The following PSMD14 variants were observed in gnomAD, a reference collection of about 807,000 sequenced individuals.
The protein encoded by PSMD14 is proteasome 26S subunit, non-ATPase 14, also known as ubiquitin C-terminal hydrolase PSMD14.
Under a neutral mutation model 41.2 loss-of-function variants are expected in PSMD14, and 7 were observed. That is an observed-to-expected ratio of 0.17 (90% CI 0.10 to 0.32). The LOEUF is 0.32. Among genes scored for constraint, PSMD14 ranks in the 10% least tolerant of loss-of-function variants. PSMD14 has a pLI of 1.00. For synonymous variants in PSMD14, 114 were observed against 122.3 expected (o/e 0.93, Z 0.45); for missense variants, 139 against 375.6 (o/e 0.37, Z 5.21).
At chr2:161,404,693 T>C (rs995025915) in intron 10 of PSMD14, among the ~76,000 whole-genome samples, 5 of 152,202 alleles carry the variant, frequency 3.3e-5, no homozygotes, top group Non-Finnish European at 7.3e-5. Context: ...ATTTATTTTC[T>C]TAGTGCACTG....
At chr2:161,381,605 G>C (rs1015240782) in intron 7 of PSMD14, 5 of 151,834 alleles carry the variant, frequency 3.3e-5, no homozygotes, top group African/African-American at 1.2e-4. Context: ...TAGTCTTTCA[G>C]TGACCTAGCA....
At chr2:161,334,057 G>T (rs139064774) in intron 3 of PSMD14, among the ~76,000 whole-genome samples, 3,411 of 151,854 alleles carry the variant, frequency 0.022, 329 homozygotes, top group Admixed American at 0.18. Flanking sequence ...AAAAGGCCAG[G>T]CCTGGTGGCT....
At chr2:161,360,693 C>A (rs1270428173) in intron 3 of PSMD14, among the ~76,000 whole-genome samples, 1 of 152,084 alleles carries the variant, frequency 6.6e-6, no homozygotes, top group Non-Finnish European at 1.5e-5. Context: ...CATGCCACCA[C>A]ACCTAGCTAA....
At chr2:161,387,757 G>A (rs1459472811) in intron 8 of PSMD14, among the ~76,000 whole-genome samples, 2 of 151,788 alleles carry the variant, frequency 1.3e-5, no homozygotes, top group African/African-American at 2.4e-5. Context: ...GTCTTTCCTT[G>A]TCCATATTTC....
intron 8 of PSMD14, among the ~76,000 whole-genome samples, chr2:161,389,002 G>T (rs1218355964): frequency 2.0e-5 from 3 of 152,098 alleles, no homozygotes; most frequent in African/African-American, 7.2e-5. Context: ...GATATCATTT[G>T]ATTTAAACTT....
chr2:161,309,603 G>A (rs955005971), intron 1 of PSMD14, among the ~76,000 whole-genome samples: 1 of 152,170 alleles, frequency 6.6e-6, no homozygotes, highest in Non-Finnish European at 1.5e-5. Context: ...GTCACGTAAG[G>A]CTACCTACCA....
chr2:161,331,517 CA>C lies in PSMD14; in HGVS notation c.48+12647del, dbSNP rs111944314. ...TGGTGATCTGCCTGCCTCGGCCTACCAAAGTGCTGGGATTACAGGCGTGAGC... is the reference window on the plus strand; with the variant it reads ...TGGTGATCTGCCTGCCTCGGCCTACCAAGTGCTGGGATTACAGGCGTGAGC... On this transcript the variant is annotated intron_variant, in intron 3 of 11. Transcript: ENST00000409682. 1.5e-3 allele frequency among the ~76,000 whole-genome samples: 234 copies of C among 152,262 alleles called. 3 individuals carry two copies. Among genetic ancestry groups the C allele is most frequent in the African/African-American group, 5.4e-3 (224 of 41,540 alleles).
At chr2:161,362,141 C>G (rs1683297777) in intron 3 of PSMD14, among the ~76,000 whole-genome samples, 2 of 152,132 alleles carry the variant, frequency 1.3e-5, no homozygotes, top group Non-Finnish European at 1.5e-5. Flanking sequence ...CCATGGCTCA[C>G]TGCAGCCTCA....
intron 3 of PSMD14, among the ~76,000 whole-genome samples, chr2:161,364,784 G>T (rs1301667058): frequency 1.3e-5 from 2 of 152,172 alleles, no homozygotes; most frequent in Admixed American, 1.3e-4. Flanking sequence ...GAAAGGGGCA[G>T]CAGTATCACT....
At chr2:161,356,956 C>A (rs1683214514) in intron 3 of PSMD14, among the ~76,000 whole-genome samples, 2 of 151,572 alleles carry the variant, frequency 1.3e-5, no homozygotes, top group East Asian at 3.9e-4. Flanking sequence ...ATAATTGATA[C>A]CAGTTCACAC....
At chr2:161,387,286 A>G (rs956742560) in intron 8 of PSMD14, among the ~76,000 whole-genome samples, 2 of 151,924 alleles carry the variant, frequency 1.3e-5, no homozygotes, top group African/African-American at 4.8e-5. Flanking sequence ...AAAGCAACCC[A>G]GAAGAGCCTG....
chr2:161,363,001 C>T (rs961211675), intron 3 of PSMD14, among the ~76,000 whole-genome samples: 6 of 152,140 alleles, frequency 3.9e-5, no homozygotes, highest in African/African-American at 1.4e-4. Context: ...TTCAGGTGTC[C>T]TCATATGAGT....
intron 3 of PSMD14, among the ~76,000 whole-genome samples, chr2:161,347,271 CTCTA>C (rs1239001355): frequency 6.6e-6 from 1 of 152,082 alleles, no homozygotes; most frequent in African/African-American, 2.4e-5. Flanking sequence ...GTTTCTGTTA[CTCTA>C]TCTGTCTTGG....
chr2:161,396,306 C>T (rs546658655), intron 10 of PSMD14, among the ~76,000 whole-genome samples: 1 of 152,114 alleles, frequency 6.6e-6, no homozygotes, highest in African/African-American at 2.4e-5. Context: ...GAAATCAGTA[C>T]GTTGAAGAGA....
rs936435135 is a variant in PSMD14, at chr2:161,341,187, G to A, written c.48+22314G>A. On this transcript the variant is annotated intron_variant, in intron 3 of 11. Transcript: ENST00000409682. Reference sequence around the variant, plus strand: ...CGCCGGGGCCCCGGTGGCCTCGGCCGGGGGCGCGGGTTCCGGGGGCGCGCG... The same window carrying A: ...CGCCGGGGCCCCGGTGGCCTCGGCCAGGGGCGCGGGTTCCGGGGGCGCGCG... The A allele has an allele frequency of 1.3e-4, 124 of 952,378 alleles. No individual in the cohort carries two copies. The African/African-American group carries it at 2.1e-3, about 16-fold the overall frequency. The allele number at this position is 952,378 out of a possible 1,614,324, so 59.0% of individuals were successfully genotyped here. A position where few individuals can be genotyped will look rare whatever the true frequency, so the allele number is the denominator to read the frequency against.
intron 10 of PSMD14, among the ~76,000 whole-genome samples, chr2:161,398,204 C>T (rs1192395272): frequency 6.6e-6 from 1 of 152,044 alleles, no homozygotes; most frequent in African/African-American, 2.4e-5. Context: ...GTAATTCCCT[C>T]TGTGATTGAA....
At chr2:161,312,220 T>G (rs928439137) in intron 1 of PSMD14, among the ~76,000 whole-genome samples, 4 of 151,848 alleles carry the variant, frequency 2.6e-5, no homozygotes, top group Non-Finnish European at 5.9e-5. Flanking sequence ...CTCGGCTCAC[T>G]GTAACTTCCA....
intron 1 of PSMD14, among the ~76,000 whole-genome samples, chr2:161,312,807 C>T (rs1355122380): frequency 6.6e-6 from 1 of 152,128 alleles, no homozygotes; most frequent in African/African-American, 2.4e-5. Flanking sequence ...ATAACACATT[C>T]ACTTTGTGAG....
chr2:161,359,544 A>G (rs779633079), intron 3 of PSMD14, among the ~76,000 whole-genome samples: 3 of 152,052 alleles, frequency 2.0e-5, no homozygotes, highest in Non-Finnish European at 2.9e-5. Flanking sequence ...TTTAATTTTC[A>G]TATTAGTATC....
Sources: allele counts gnomAD v4.1 joint callset (sites outside exome capture counted in the v4.1 genomes callset), GRCh38; gene constraint gnomAD v4.1.1; transcripts MANE v1.5; gene names NCBI Gene and HGNC (gene_info 2026-07-23, HGNC 2026-07-21).